The following THSD4 variants were observed in gnomAD, a reference collection of about 807,000 sequenced individuals.
THSD4 encodes the protein thrombospondin type 1 domain containing 4.
A neutral mutation model predicts 119.0 loss-of-function variants in THSD4; 69 were observed. The ratio of observed to expected loss-of-function variants is 0.58; its 90% CI spans 0.48 to 0.71. The LOEUF (loss-of-function observed/expected upper bound fraction) is 0.71, where lower values mean the gene tolerates loss of function less well. Among genes scored for constraint, THSD4 ranks in the 30% least tolerant of loss-of-function variants. The pLI is 0.00. For missense variants in THSD4, 1,393 were observed against 1,391.1 expected (o/e 1.00, Z -0.02); for synonymous variants, 524 against 540.4 (o/e 0.97, Z 0.42).
Position 71,745,238 on chromosome 15 carries a change from A to C in THSD4, c.2036+3A>C, listed in dbSNP as rs1408056360. On this transcript the variant is annotated splice_donor_region_variant and intron_variant, in intron 12 of 17. Transcript: ENST00000261862. ...AACATCTTCCCTTGCCCAGCCTTGT[A>C]AGAAGGCCCCTCCATTTAGGTCGCC... is the stretch of plus-strand genomic sequence containing the variant. The C allele has an allele frequency of 1.2e-6, 2 of 1,613,760 alleles. No individual in the cohort carries two copies. Among genetic ancestry groups the C allele is most frequent in the African/African-American group, 1.3e-5 (1 of 75,032 alleles).
chr15:71,527,445 A>T (rs1298185270), intron 7 of THSD4, among the ~76,000 whole-genome samples: 1 of 152,184 alleles, frequency 6.6e-6, no homozygotes, highest in South Asian at 2.1e-4. Context: ...GGAAGTTTTT[A>T]TAACTTCCCA....
intron 7 of THSD4, among the ~76,000 whole-genome samples, chr15:71,492,354 T>G (rs1404868537): frequency 6.6e-6 from 1 of 152,198 alleles, no homozygotes; most frequent in Non-Finnish European, 1.5e-5. Flanking sequence ...AACTTTTGCC[T>G]TCTGGGTTCA....
At chr15:71,547,709 C>A (rs982775518) in intron 7 of THSD4, 13 of 455,076 alleles carry the variant, frequency 2.9e-5, no homozygotes, top group African/African-American at 2.1e-4. Context: ...TGTGCAGTTG[C>A]CACACTGGGA....
chr15:71,277,976 A>G (rs1167723630), intron 6 of THSD4, among the ~76,000 whole-genome samples: 1 of 152,160 alleles, frequency 6.6e-6, no homozygotes. Flanking sequence ...TTAGTTTTTA[A>G]TCTATATTTT....
chr15:71,288,475 G>A (rs2044747809), intron 6 of THSD4, among the ~76,000 whole-genome samples: 1 of 152,114 alleles, frequency 6.6e-6, no homozygotes, highest in African/African-American at 2.4e-5. Context: ...TGTCTAATGA[G>A]CTTCTAGGAA....
In THSD4 at chr15:71,154,932, G is replaced by A. The variant is rs1312480045; in HGVS notation, c.99G>A (p.Lys33=). ...VCPQPSTQHR[K]VPQRMAAEGA... is the part of the protein sequence containing the mutation. The stretch of plus-strand genomic sequence containing the variant: ...CACAGCCCTCCACTCAACACAGGAA[G>A]GTAAGCCATGGCCATCCAGAGGTTT... The change falls in exon 3 of 18, where the codon AAG becomes AAA. Residue 33 remains lysine, a splice_region_variant and synonymous_variant. Coordinates refer to ENST00000261862, the MANE Select transcript of THSD4 (RefSeq NM_024817.3). 2 of 1,614,072 alleles carry A rather than the reference G, an allele frequency of 1.2e-6. No individual in the cohort carries two copies. The highest frequency in any genetic ancestry group is 8.5e-7 in the Non-Finnish European group (1 of 1,180,028).
intron 7 of THSD4, among the ~76,000 whole-genome samples, chr15:71,413,759 A>G (rs771509666): frequency 6.6e-6 from 1 of 152,228 alleles, no homozygotes; most frequent in African/African-American, 2.4e-5. Flanking sequence ...GAGGCAGGAA[A>G]CATCATGGGA....
At chr15:71,560,587 T>G (rs574664910) in intron 7 of THSD4, among the ~76,000 whole-genome samples, 5 of 152,320 alleles carry the variant, frequency 3.3e-5, no homozygotes, top group Non-Finnish European at 7.3e-5. Flanking sequence ...TTCCAAGTCA[T>G]TTTTGTAAAT....
intron 14 of THSD4, among the ~76,000 whole-genome samples, chr15:71,753,093 A>G (rs540997922): frequency 2.6e-5 from 4 of 152,196 alleles, no homozygotes; most frequent in Non-Finnish European, 5.9e-5. Context: ...TTATTGCCCA[A>G]TTTAAAATTA....
At chr15:71,436,791 A>T (rs1019888549) in intron 7 of THSD4, among the ~76,000 whole-genome samples, 1 of 152,174 alleles carries the variant, frequency 6.6e-6, no homozygotes, top group Non-Finnish European at 1.5e-5. Context: ...TCATAAGGCA[A>T]TTGGAGATGA....
At chr15:71,098,012 C>A (rs887595857) in intron 1 of THSD4, among the ~76,000 whole-genome samples, 23 of 151,906 alleles carry the variant, frequency 1.5e-4, no homozygotes, top group African/African-American at 5.3e-4. Flanking sequence ...ACTTGCATTA[C>A]TTCATAGGAG....
intron 6 of THSD4, among the ~76,000 whole-genome samples, chr15:71,331,787 A>G (rs1170260567): frequency 1.3e-5 from 2 of 152,092 alleles, no homozygotes; most frequent in Non-Finnish European, 2.9e-5. Flanking sequence ...ACAAATAGCT[A>G]ATATTGAATT....
chr15:71,377,596 A>C (rs548230814), intron 6 of THSD4, among the ~76,000 whole-genome samples: 58 of 152,166 alleles, frequency 3.8e-4, no homozygotes, highest in African/African-American at 1.4e-3. Flanking sequence ...TTAGTGCTAC[A>C]GGGAGGATAA....
At chr15:71,378,078 G>C (rs984118211) in intron 6 of THSD4, among the ~76,000 whole-genome samples, 11 of 152,264 alleles carry the variant, frequency 7.2e-5, no homozygotes, top group African/African-American at 2.6e-4. Context: ...GCACTGCACA[G>C]GGTACTGCAT....
At chr15:71,366,040 C>T (rs191964050) in intron 6 of THSD4, among the ~76,000 whole-genome samples, 1 of 152,086 alleles carries the variant, frequency 6.6e-6, no homozygotes, top group African/African-American at 2.4e-5. Context: ...ACACATCCTC[C>T]CTCCTACTTG....
chr15:71,472,718 G>C (rs1595800904), intron 7 of THSD4, among the ~76,000 whole-genome samples: 1 of 152,176 alleles, frequency 6.6e-6, no homozygotes, highest in East Asian at 1.9e-4. Flanking sequence ...CATGGAAATG[G>C]GATCTTGATT....
chr15:71,347,242 A>G lies in THSD4; in HGVS notation c.1016-64445A>G, dbSNP rs577710670. On this transcript the variant is annotated intron_variant, in intron 6 of 17. Coordinates refer to ENST00000261862, the MANE Select transcript of THSD4 (RefSeq NM_024817.3). Reference sequence around the variant, plus strand: ...GGCCATGAGAAATCTAGGTTCCATTATCTTTTATATTTTTACTGTGTACTC... The same window carrying G: ...GGCCATGAGAAATCTAGGTTCCATTGTCTTTTATATTTTTACTGTGTACTC... Among the ~76,000 whole-genome samples, 7 of 148,838 alleles carry G rather than the reference A, an allele frequency of 4.7e-5. No homozygotes were observed. The South Asian group carries it at 1.5e-3, about 31-fold the overall frequency.
At chr15:71,108,550 C>T (rs559441926) in intron 1 of THSD4, among the ~76,000 whole-genome samples, 2 of 152,190 alleles carry the variant, frequency 1.3e-5, no homozygotes, top group Non-Finnish European at 2.9e-5. Flanking sequence ...CACCCATGGA[C>T]TTCCAAGGGA....
intron 2 of THSD4, among the ~76,000 whole-genome samples, chr15:71,153,138 G>C (rs2040741830): frequency 6.6e-6 from 1 of 152,178 alleles, no homozygotes; most frequent in Admixed American, 6.5e-5. Flanking sequence ...TGTACCCCCA[G>C]ATACCAGGGC....
Sources: allele counts gnomAD v4.1 joint callset (sites outside exome capture counted in the v4.1 genomes callset), GRCh38; gene constraint gnomAD v4.1.1; transcripts MANE v1.5; gene names NCBI Gene and HGNC (gene_info 2026-07-23, HGNC 2026-07-21).